Variants in CDC14B observed in about 807,000 individuals in gnomAD.
CDC14B encodes dual specificity protein phosphatase CDC14B.
A neutral mutation model predicts 64.2 loss-of-function variants in CDC14B; 22 were observed. That is an observed-to-expected ratio of 0.34 (90% CI 0.24 to 0.49). The LOEUF is 0.49. Ranked by LOEUF, CDC14B falls within the 20% of genes least tolerant of loss-of-function variation. The probability of loss-of-function intolerance (pLI) is 0.99; values close to 1 mark genes in which losing one functional copy is unlikely to be tolerated. For missense variants in CDC14B, 498 were observed against 629.9 expected, an observed-to-expected ratio of 0.79 and a Z score of 2.24; for synonymous variants, 191 against 215.8, an observed-to-expected ratio of 0.89 and a Z score of 1.01.
intron 1 of CDC14B, among the ~76,000 whole-genome samples, chr9:96,606,725 C>T (rs1846968424): frequency 1.3e-5 from 2 of 152,044 alleles, no homozygotes; most frequent in Non-Finnish European, 2.9e-5. Flanking sequence ...CGCCACCACG[C>T]CCGGCTAATT....
intron 4 of CDC14B, among the ~76,000 whole-genome samples, chr9:96,558,511 G>A (rs962799259): frequency 3.9e-5 from 6 of 152,100 alleles, no homozygotes; most frequent in Non-Finnish European, 7.4e-5. Flanking sequence ...ATACACACAC[G>A]TGCACGTCTT....
intron 13 of CDC14B, among the ~76,000 whole-genome samples, chr9:96,494,260 C>G (rs972899302): frequency 5.3e-5 from 8 of 152,216 alleles, no homozygotes; most frequent in Non-Finnish European, 1.0e-4. Flanking sequence ...TTGGGCAAAG[C>G]TGTTAGGAGA....
intron 1 of CDC14B, among the ~76,000 whole-genome samples, chr9:96,603,115 C>T (rs1443869228): frequency 4.8e-4 from 71 of 149,024 alleles, no homozygotes; most frequent in Non-Finnish European, 1.5e-5. Flanking sequence ...AGATGCAGAA[C>T]AATGAGAATA....
At chr9:96,606,527 TTGTGTGTGTGTGTGTGTGTGTGTGTGTG>T in intron 1 of CDC14B, among the ~76,000 whole-genome samples, 1 of 112,854 alleles carries the variant, frequency 8.9e-6, no homozygotes, top group Middle Eastern at 4.5e-3. Flanking sequence ...TACTAAAAGT[TTGTGTGTGTGTGTGTGTGTGTGTGTGTG>T]TGTGTGTGTG....
At chr9:96,561,203 A>C (rs1843129859) in intron 4 of CDC14B, among the ~76,000 whole-genome samples, 1 of 152,082 alleles carries the variant, frequency 6.6e-6, no homozygotes, top group Non-Finnish European at 1.5e-5. Context: ...TCCCAATCAG[A>C]AGCATTTAAT....
At chr9:96,614,574 C>T (rs539685344) in intron 1 of CDC14B, among the ~76,000 whole-genome samples, 3 of 152,188 alleles carry the variant, frequency 2.0e-5, no homozygotes, top group Non-Finnish European at 4.4e-5. Flanking sequence ...TAGATATATG[C>T]AGTAGTGTTA....
chr9:96,517,643 C>CAAAAAAAAAAAAA (rs1016405679), intron 12 of CDC14B, among the ~76,000 whole-genome samples: 2 of 34,640 alleles, frequency 5.8e-5, no homozygotes, highest in African/African-American at 2.9e-4. Context: ...GACTCCGTCT[C>CAAAAAAAAAAAAA]AAAAAAAAAA....
intron 1 of CDC14B, among the ~76,000 whole-genome samples, chr9:96,608,897 AC>A (rs1847136048): frequency 8.5e-6 from 1 of 118,018 alleles, no homozygotes; most frequent in Admixed American, 7.9e-5. Flanking sequence ...ACACAGACAC[AC>A]ACACACACAC....
intron 12 of CDC14B, among the ~76,000 whole-genome samples, chr9:96,513,356 G>A (rs1184403496): frequency 1.3e-5 from 2 of 152,230 alleles, no homozygotes; most frequent in Admixed American, 6.5e-5. Context: ...CACACCACCT[G>A]ACAGGCACCA....
chr9:96,545,903 T>C (rs1327775141), intron 5 of CDC14B, among the ~76,000 whole-genome samples: 2 of 152,156 alleles, frequency 1.3e-5, no homozygotes, highest in African/African-American at 4.8e-5. Flanking sequence ...CCACATCACA[T>C]CTTCCTCCCA....
chr9:96,582,228 C>T (rs1845200451), intron 1 of CDC14B, among the ~76,000 whole-genome samples: 1 of 152,186 alleles, frequency 6.6e-6, no homozygotes, highest in Non-Finnish European at 1.5e-5. Context: ...TTCTTAGAAG[C>T]AAAATTTATC....
intron 1 of CDC14B, among the ~76,000 whole-genome samples, chr9:96,595,776 T>C (rs569276871): frequency 6.6e-6 from 1 of 152,142 alleles, no homozygotes; most frequent in African/African-American, 2.4e-5. Context: ...TGAGAGAAAG[T>C]AGATTCGTAG....
intron 9 of CDC14B, among the ~76,000 whole-genome samples, chr9:96,524,255 A>G (rs1239969159): frequency 6.6e-6 from 1 of 152,216 alleles, no homozygotes; most frequent in African/African-American, 2.4e-5. Flanking sequence ...CCAAGAATTT[A>G]GATTTAACTG....
At chr9:96,600,601 C>T (rs1846369976) in intron 1 of CDC14B, among the ~76,000 whole-genome samples, 1 of 151,826 alleles carries the variant, frequency 6.6e-6, no homozygotes, top group Admixed American at 6.6e-5. Context: ...CTCCTGAGTT[C>T]GAGCGATTCT....
chr9:96,532,256 A>G (rs894537248), intron 9 of CDC14B, among the ~76,000 whole-genome samples: 1 of 152,204 alleles, frequency 6.6e-6, no homozygotes, highest in East Asian at 1.9e-4. Flanking sequence ...GTTTTGCCAG[A>G]TGTAGAATTC....
intron 9 of CDC14B, among the ~76,000 whole-genome samples, chr9:96,528,945 T>C (rs1291774349): frequency 6.6e-6 from 1 of 152,232 alleles, no homozygotes; most frequent in Non-Finnish European, 1.5e-5. Flanking sequence ...ATTTATGAAC[T>C]GGGTTTTGTT....
chr9:96,551,873 CTA>C lies in CDC14B; in HGVS notation c.421-3_421-2del. On this transcript the variant is annotated splice_acceptor_variant and splice_polypyrimidine_tract_variant and intron_variant, in intron 4 of 13. Transcript: ENST00000375241. ...CTGGGGTTCTCCCCAAATATATAACCTATGTTTGAAAAAAGAAGAAAAAGGCA... is the reference window on the plus strand; with the variant it reads ...CTGGGGTTCTCCCCAAATATATAACCTGTTTGAAAAAAGAAGAAAAAGGCA... 2 of 1,597,298 alleles carry C rather than the reference CTA, an allele frequency of 1.3e-6. No individual in the cohort carries two copies. The highest frequency in any genetic ancestry group is 1.7e-6 in the Non-Finnish European group (2 of 1,174,582).
intron 1 of CDC14B, among the ~76,000 whole-genome samples, chr9:96,579,684 C>A (rs758950542): frequency 3.9e-5 from 6 of 152,118 alleles, no homozygotes; most frequent in Non-Finnish European, 7.4e-5. Context: ...AGTCTGCAAG[C>A]CAAGGACAGA....
chr9:96,614,827 C>A (rs1187647864), intron 1 of CDC14B, among the ~76,000 whole-genome samples: 1 of 152,200 alleles, frequency 6.6e-6, no homozygotes, highest in Non-Finnish European at 1.5e-5. Flanking sequence ...TTAATGCTTA[C>A]AGTTTACACC....
Sources: gnomAD v4.1 joint callset for allele counts (sites outside exome capture counted in the v4.1 genomes callset) on GRCh38, gnomAD v4.1.1 for gene constraint, MANE v1.5 for transcripts, NCBI Gene and HGNC (gene_info 2026-07-23, HGNC 2026-07-21) for gene names.